LYN: variants seen among roughly 807,000 people sequenced by gnomAD.
LYN encodes the protein tyrosine-protein kinase Lyn.
In LYN, 12 loss-of-function variants were observed where a neutral mutation model predicts 65.0. The ratio of observed to expected loss-of-function variants is 0.18; its 90% CI spans 0.12 to 0.30. LYN has a LOEUF of 0.30. LYN is among the 10% of genes least tolerant of loss of function. LYN has a pLI of 1.00. For synonymous variants in LYN, 222 were observed against 221.2 expected, an observed-to-expected ratio of 1.00 and a Z score of -0.03; for missense variants, 380 against 623.2, an observed-to-expected ratio of 0.61 and a Z score of 4.16.
chr8:55,901,510 A>T (rs1805262446), intron 1 of LYN, among the ~76,000 whole-genome samples: 1 of 152,154 alleles, frequency 6.6e-6, no homozygotes, highest in African/African-American at 2.4e-5. Context: ...GCCTCCCTGG[A>T]ACTACTTCTG....
chr8:55,967,740 T>G (rs567228238), intron 9 of LYN, among the ~76,000 whole-genome samples: 1 of 152,362 alleles, frequency 6.6e-6, no homozygotes, highest in East Asian at 1.9e-4. Flanking sequence ...AATCATAGAA[T>G]TGCTGGAGAA....
intron 10 of LYN, among the ~76,000 whole-genome samples, chr8:55,985,596 A>C (rs1441694687): frequency 6.6e-6 from 1 of 152,010 alleles, no homozygotes; most frequent in African/African-American, 2.4e-5. Flanking sequence ...ACACACATCA[A>C]GTTCTTTAAG....
intron 10 of LYN, among the ~76,000 whole-genome samples, chr8:55,989,051 A>G (rs547772634): frequency 1.3e-5 from 2 of 152,212 alleles, no homozygotes; most frequent in Non-Finnish European, 2.9e-5. Context: ...AGCATTGCTC[A>G]TGTTCTCTGG....
intron 10 of LYN, among the ~76,000 whole-genome samples, chr8:55,986,807 C>G (rs1406604736): frequency 6.6e-6 from 1 of 152,178 alleles, no homozygotes; most frequent in East Asian, 1.9e-4. Flanking sequence ...CTCACTGCAG[C>G]CTGAAACTCC....
chr8:55,900,069 T>C (rs1318207884), intron 1 of LYN, among the ~76,000 whole-genome samples: 1 of 152,202 alleles, frequency 6.6e-6, no homozygotes, highest in Non-Finnish European at 1.5e-5. Context: ...AGGAATCTAA[T>C]GCGCTGCCAC....
intron 12 of LYN, among the ~76,000 whole-genome samples, chr8:56,008,129 T>C (rs9643839): frequency 8.2e-6 from 1 of 122,548 alleles, no homozygotes; most frequent in Admixed American, 7.8e-5. Context: ...AAAAAAAAAA[T>C]AAAATAAAAT....
chr8:55,960,398 A>G (rs1202453395), intron 8 of LYN, among the ~76,000 whole-genome samples: 1 of 152,196 alleles, frequency 6.6e-6, no homozygotes, highest in Non-Finnish European at 1.5e-5. Flanking sequence ...AAAAGAAAAT[A>G]GAAGAGAAAA....
chr8:55,932,330 A>G (rs1806294269), intron 1 of LYN, among the ~76,000 whole-genome samples: 1 of 152,242 alleles, frequency 6.6e-6, no homozygotes, highest in Non-Finnish European at 1.5e-5. Context: ...AGATTAATAT[A>G]GTTCTAAGAA....
At position 56,012,334 on chromosome 8, in the gene LYN, T is replaced by C. The variant is rs545047761; in HGVS notation, c.*2224T>C. ...CTCATGTCATCACACCTCAGGTTAT[T>C]GTAGAGAACTGGAAAGACAGAATCC... On this transcript the variant is annotated 3_prime_UTR_variant, in exon 13 of 13. Coordinates refer to ENST00000519728, the MANE Select transcript of LYN (RefSeq NM_002350.4). The C allele has an allele frequency of 3.3e-5, 6 of 179,772 alleles. No individual in the cohort carries two copies. The highest frequency in any genetic ancestry group is 1.3e-4 in the Admixed American group (2 of 15,876). The allele number at this position is 179,772 out of a possible 1,614,324, so 11.1% of individuals were successfully genotyped here. A position where few individuals can be genotyped will look rare whatever the true frequency, so the allele number is the denominator to read the frequency against.
At chr8:55,977,503 A>G (rs1338642089) in intron 10 of LYN, among the ~76,000 whole-genome samples, 1 of 152,124 alleles carries the variant, frequency 6.6e-6, no homozygotes, top group South Asian at 2.1e-4. Flanking sequence ...TCAGCTTTTC[A>G]TGCTCCTAAC....
At chr8:55,970,782 A>C (rs1291320173) in intron 10 of LYN, among the ~76,000 whole-genome samples, 1 of 152,114 alleles carries the variant, frequency 6.6e-6, no homozygotes, top group Non-Finnish European at 1.5e-5. Flanking sequence ...CAGCACCTGG[A>C]GACTGGAGTT....
At chr8:55,998,677 T>C (rs971285030) in intron 11 of LYN, among the ~76,000 whole-genome samples, 178 bp downstream of exon 11, 1 of 152,252 alleles carries the variant, frequency 6.6e-6, no homozygotes, top group African/African-American at 2.4e-5. Context: ...GAAGGTACTC[T>C]CTTGATTAAC....
At chr8:55,993,547 G>A (rs897812153) in intron 10 of LYN, among the ~76,000 whole-genome samples, 1 of 152,172 alleles carries the variant, frequency 6.6e-6, no homozygotes, top group Non-Finnish European at 1.5e-5. Flanking sequence ...GTAAATGGGA[G>A]CATTCCCCTT....
chr8:55,985,251 G>T (rs1244786138), intron 10 of LYN, among the ~76,000 whole-genome samples: 2 of 152,120 alleles, frequency 1.3e-5, no homozygotes, highest in African/African-American at 4.8e-5. Context: ...AGTCCTACCT[G>T]GTGAGCAAAA....
chr8:55,961,903 C>A (rs1807289821), intron 8 of LYN, among the ~76,000 whole-genome samples: 1 of 152,092 alleles, frequency 6.6e-6, no homozygotes, highest in Admixed American at 6.6e-5. Flanking sequence ...ACCTGTCCCC[C>A]AGAGACAACA....
At chr8:55,888,064 G>A (rs1804853706) in intron 1 of LYN, among the ~76,000 whole-genome samples, 1 of 152,216 alleles carries the variant, frequency 6.6e-6, no homozygotes. Context: ...TCTCAGGAGA[G>A]CTGATGCGCT....
chr8:56,010,095 C>T lies in LYN; in HGVS notation c.1524C>T (p.Tyr508=). Residue 508 remains tyrosine (Y), a synonymous_variant, in exon 13 of 13, where the codon TAC becomes TAT. Coordinates refer to ENST00000519728, the MANE Select transcript of LYN (RefSeq NM_002350.4). ...TCTACACAGCCACGGAAGGGCAATA[C>T]CAGCAGCAGCCTTAGAGCACAGGGA... The part of the protein sequence containing the change: ...DDFYTATEGQ[Y]QQQP The T allele has an allele frequency of 6.2e-7, 1 of 1,614,156 alleles. No homozygotes were observed. The highest frequency in any genetic ancestry group is 8.5e-7 in the Non-Finnish European group (1 of 1,180,026).
intron 9 of LYN, among the ~76,000 whole-genome samples, chr8:55,967,260 A>T (rs1167306242): frequency 6.6e-6 from 1 of 151,572 alleles, no homozygotes; most frequent in Non-Finnish European, 1.5e-5. Context: ...CAGAATTCTA[A>T]TACTACAGAT....
chr8:55,928,964 C>A (rs1002835007), intron 1 of LYN, among the ~76,000 whole-genome samples: 1 of 152,060 alleles, frequency 6.6e-6, no homozygotes, highest in African/African-American at 2.4e-5. Context: ...GATGTAAGAT[C>A]CGGGTCTAGA....
Sources: gnomAD v4.1 joint callset for allele counts (sites outside exome capture counted in the v4.1 genomes callset) on GRCh38, gnomAD v4.1.1 for gene constraint, MANE v1.5 for transcripts, NCBI Gene and HGNC (gene_info 2026-07-23, HGNC 2026-07-21) for gene names.